The following TMCC1 variants were observed in gnomAD, a reference collection of about 807,000 sequenced individuals.
TMCC1 encodes transmembrane and coiled-coil domain family 1.
TMCC1 carries 15 observed loss-of-function variants against 52.4 expected under a neutral mutation model. The ratio of observed to expected loss-of-function variants is 0.29; its 90% CI spans 0.19 to 0.44. The LOEUF (loss-of-function observed/expected upper bound fraction) is 0.44. Among genes scored for constraint, TMCC1 ranks in the 20% least tolerant of loss-of-function variants. The pLI is 1.00. For synonymous variants in TMCC1, 279 were observed against 301.9 expected, an observed-to-expected ratio of 0.92 and a Z score of 0.79; for missense variants, 503 against 806.0, an observed-to-expected ratio of 0.62 and a Z score of 4.55.
At position 129,828,143 on chromosome 3, in the gene TMCC1, G is replaced by C; in HGVS notation, c.236C>G (p.Pro79Arg). The C allele has an allele frequency of 6.2e-7, 1 of 1,614,142 alleles. No individual in the cohort carries two copies. Among genetic ancestry groups the C allele is most frequent in the Non-Finnish European group, 8.5e-7 (1 of 1,180,024 alleles). Residue 79 changes from proline to arginine, a missense_variant, in exon 4 of 7, where the codon CCT becomes CGT. This residue lies in a region of TMCC1 where 217 missense variants were observed against 297.9 expected (regional missense o/e 0.73). Transcript: ENST00000393238. The surrounding 1 kb of genome is among the most constrained non-coding windows in gnomAD (Gnocchi z 4.1). ...DVQQIQADPE[P>R]EMDLESQNAC... ...GTTCTGGCTTTCCAGATCCATTTCA[G>C]GTTCTGGATCTGCCTGAATTTGCTG...
intron 4 of TMCC1, among the ~76,000 whole-genome samples, chr3:129,691,634 A>C (rs1370792225): frequency 6.6e-6 from 1 of 152,122 alleles, no homozygotes; most frequent in Non-Finnish European, 1.5e-5. Context: ...GATAAATAAA[A>C]TTAGCCGGGC....
chr3:129,789,789 T>C (rs993976569), intron 4 of TMCC1, among the ~76,000 whole-genome samples: 12 of 152,202 alleles, frequency 7.9e-5, no homozygotes, highest in Non-Finnish European at 2.9e-5. Flanking sequence ...TCTCCACTTC[T>C]TAATTTTCTT....
rs569586172 is a variant in TMCC1, at chr3:129,811,973, A to T, written c.576+15830T>A. Among the ~76,000 whole-genome samples, 698 of 151,326 alleles carry T rather than the reference A, an allele frequency of 4.6e-3. 2 individuals carry two copies. The highest frequency in any genetic ancestry group is 7.4e-3 in the Non-Finnish European group (501 of 67,826). On this transcript the variant is annotated intron_variant, in intron 4 of 6. Transcript: ENST00000393238. Reference sequence around the variant, plus strand: ...TAAAAAAAAAAAAAAGAAAGAAAGAAATCAAGTTTTGGTGATTCTTACTAT... The same window carrying T: ...TAAAAAAAAAAAAAAGAAAGAAAGATATCAAGTTTTGGTGATTCTTACTAT...
chr3:129,671,046 A>G lies in TMCC1; in HGVS notation c.795T>C (p.Leu265=), dbSNP rs1482467816. 1 of 1,614,194 alleles carries G rather than the reference A, an allele frequency of 6.2e-7. No individual in the cohort carries two copies. The highest frequency in any genetic ancestry group is 2.2e-5 in the East Asian group (1 of 44,884). ...CCTGCTGTTTGTCTGCACTGTTGGCAAGCTTCAAGTATTCAGCAACGTTGT... is the reference window on the plus strand; with the variant it reads ...CCTGCTGTTTGTCTGCACTGTTGGCGAGCTTCAAGTATTCAGCAACGTTGT... ...RDDNVAEYLK[L]ANSADKQQAA... The change falls in exon 5 of 7, where the codon CTT becomes CTC. Residue 265 remains leucine (L), a synonymous_variant. Coordinates refer to ENST00000393238, the MANE Select transcript of TMCC1 (RefSeq NM_001017395.5).
intron 4 of TMCC1, among the ~76,000 whole-genome samples, chr3:129,770,637 A>G (rs370465274): frequency 1.9e-3 from 275 of 147,910 alleles, no homozygotes; most frequent in Middle Eastern, 7.0e-3. Flanking sequence ...GAAATGAAAT[A>G]AAATAAAATA....
intron 4 of TMCC1, among the ~76,000 whole-genome samples, chr3:129,671,965 C>T (rs1485391983): frequency 6.6e-6 from 1 of 152,134 alleles, no homozygotes; most frequent in Non-Finnish European, 1.5e-5. Flanking sequence ...AACTCAGGGA[C>T]AGGAACAGTA....
intron 4 of TMCC1, among the ~76,000 whole-genome samples, chr3:129,821,274 C>A (rs1172823434): frequency 6.6e-6 from 1 of 152,154 alleles, no homozygotes; most frequent in Non-Finnish European, 1.5e-5. Flanking sequence ...CAGCCATGAA[C>A]TAGCTCTCTG....
At chr3:129,766,577 A>G (rs1178803638) in intron 4 of TMCC1, among the ~76,000 whole-genome samples, 7 of 152,178 alleles carry the variant, frequency 4.6e-5, no homozygotes, top group African/African-American at 1.2e-4. Context: ...TTTAGATTGT[A>G]TGACAATGCT....
At position 129,708,991 on chromosome 3, in the gene TMCC1, T is replaced by C. The variant is rs374473065; in HGVS notation, c.577-37727A>G. Among the ~76,000 whole-genome samples the C allele has an allele frequency of 2.0e-5, 3 of 152,212 alleles. No individual in the cohort carries two copies. The East Asian group carries it at 5.8e-4, about 29-fold the overall frequency. Reference sequence around the variant, plus strand: ...GGCTTCTTTTATAATAAAGTACTTATTTATGTACTCTTAACCACTGGTCTT... The same window carrying C: ...GGCTTCTTTTATAATAAAGTACTTACTTATGTACTCTTAACCACTGGTCTT... On this transcript the variant is annotated intron_variant, in intron 4 of 6. Coordinates refer to ENST00000393238, the MANE Select transcript of TMCC1 (RefSeq NM_001017395.5).
intron 4 of TMCC1, among the ~76,000 whole-genome samples, chr3:129,680,998 A>G (rs1157497855): frequency 1.3e-5 from 2 of 152,176 alleles, no homozygotes; most frequent in Admixed American, 6.5e-5. Context: ...TGTATATGCA[A>G]AGTATGAAGC....
chr3:129,794,839 G>A (rs2056712912), intron 4 of TMCC1, among the ~76,000 whole-genome samples: 1 of 152,132 alleles, frequency 6.6e-6, no homozygotes, highest in African/African-American at 2.4e-5. Flanking sequence ...AGCCGTCCCA[G>A]CAGCAGAGAG....
chr3:129,892,190 A>G (rs943498870), intron 1 of TMCC1, among the ~76,000 whole-genome samples: 3 of 152,242 alleles, frequency 2.0e-5, no homozygotes, highest in Non-Finnish European at 4.4e-5. Context: ...AAATTTTCCT[A>G]TGCTGCTGAT....
At chr3:129,855,662 C>T (rs2060118865) in intron 2 of TMCC1, among the ~76,000 whole-genome samples, 1 of 152,020 alleles carries the variant, frequency 6.6e-6, no homozygotes, top group Non-Finnish European at 1.5e-5. Context: ...GGCCTAAAAA[C>T]AACAACAACA....
chr3:129,804,013 T>C (rs1056304627), intron 4 of TMCC1, among the ~76,000 whole-genome samples: 8 of 152,252 alleles, frequency 5.3e-5, no homozygotes, highest in East Asian at 3.9e-4. Context: ...CCAGAGCACG[T>C]TGAACATGAA....
chr3:129,881,486 T>C (rs2061457727), intron 1 of TMCC1, among the ~76,000 whole-genome samples: 1 of 151,932 alleles, frequency 6.6e-6, no homozygotes, highest in Non-Finnish European at 1.5e-5. Flanking sequence ...CAGCAGAAAA[T>C]GTAGAATAAT....
chr3:129,748,375 C>A (rs953119604), intron 4 of TMCC1, among the ~76,000 whole-genome samples: 1 of 152,170 alleles, frequency 6.6e-6, no homozygotes, highest in Non-Finnish European at 1.5e-5. Context: ...GCAACCTCTG[C>A]CTCCCAGGCT....
rs578094214 is a variant in TMCC1, at chr3:129,810,162, G to A, written c.576+17641C>T. Among the ~76,000 whole-genome samples the A allele has an allele frequency of 1.2e-4, 18 of 152,260 alleles. 1 individual carries two copies. In the South Asian group the frequency reaches 2.3e-3, roughly 19 times the overall value. On this transcript the variant is annotated intron_variant, in intron 4 of 6. Coordinates refer to ENST00000393238, the MANE Select transcript of TMCC1 (RefSeq NM_001017395.5). ...GCTTGAGCTCACAAGTTCAAGACCA[G>A]CCTGGGCAACATGGTAAAACCCCAT...
intron 4 of TMCC1, among the ~76,000 whole-genome samples, chr3:129,810,873 T>C (rs1315569871): frequency 1.3e-5 from 2 of 152,248 alleles, no homozygotes; most frequent in Non-Finnish European, 2.9e-5. Context: ...GAAGAATGTA[T>C]AGCTGTGTCT....
rs1472562154 is a variant in TMCC1 at position 129,670,917 on chromosome 3, C to G, written c.924G>C (p.Glu308Asp). 1 of 1,614,204 alleles carries G rather than the reference C, an allele frequency of 6.2e-7. No homozygotes were observed. The highest frequency in any genetic ancestry group is 1.1e-5 in the South Asian group (1 of 91,086). ...KLEHYHRKLR[E>D]VEQNGIPRQP... is the part of the protein sequence containing the mutation. ...GCCGGGGGATCCCATTCTGCTCTAC[C>G]TCTCTGAGCTTCCTGTGGTAGTGCT... Residue 308 changes from glutamate (E) to aspartate (D), a missense_variant, in exon 5 of 7, where the codon GAG (glutamate) becomes GAC (aspartate). This residue lies in a region of TMCC1 where 73 missense variants were observed against 182.9 expected (regional missense o/e 0.40). Coordinates refer to ENST00000393238, the MANE Select transcript of TMCC1 (RefSeq NM_001017395.5).
Sources: allele counts gnomAD v4.1 joint callset (sites outside exome capture counted in the v4.1 genomes callset), GRCh38; gene constraint gnomAD v4.1.1; regional missense constraint gnomAD v4.1.1; non-coding constraint Gnocchi (gnomAD v3.1); transcripts MANE v1.5; gene names NCBI Gene and HGNC (gene_info 2026-07-23, HGNC 2026-07-21).